The following C10orf90 variants were observed in gnomAD, a reference collection of about 807,000 sequenced individuals.
C10orf90 encodes the protein (E2-independent) E3 ubiquitin-conjugating enzyme FATS.
A neutral mutation model predicts 62.5 loss-of-function variants in C10orf90; 56 were observed. That is an observed-to-expected ratio of 0.90 (90% CI 0.72 to 1.12). The LOEUF (loss-of-function observed/expected upper bound fraction) is 1.12, where lower values mean the gene tolerates loss of function less well. Ranked by LOEUF, C10orf90 falls within the 50% of genes most tolerant of loss-of-function variation. C10orf90 has a pLI of 0.00. For missense variants in C10orf90, 970 were observed against 880.4 expected (o/e 1.10, Z -1.29); for synonymous variants, 386 against 340.4 (o/e 1.13, Z -1.47).
At chr10:126,578,277 C>A (rs369255924) in intron 2 of C10orf90, among the ~76,000 whole-genome samples, 6 of 151,596 alleles carry the variant, frequency 4.0e-5, no homozygotes, top group Admixed American at 3.9e-4. Flanking sequence ...AAAGAACTCT[C>A]GCGAATTAGT....
intron 4 of C10orf90, among the ~76,000 whole-genome samples, chr10:126,483,664 C>T (rs1861276839): frequency 1.3e-5 from 2 of 152,358 alleles, no homozygotes; most frequent in South Asian, 4.1e-4. Context: ...CAGAATAAGA[C>T]TTCAGCATTA....
intron 2 of C10orf90, among the ~76,000 whole-genome samples, chr10:126,573,613 A>T (rs966253088): frequency 6.6e-6 from 1 of 152,094 alleles, no homozygotes; most frequent in African/African-American, 2.4e-5. Context: ...GGCCTTCCAC[A>T]GCCCCCACAC....
At chr10:126,608,096 A>G (rs967830733) in intron 2 of C10orf90, among the ~76,000 whole-genome samples, 2 of 152,088 alleles carry the variant, frequency 1.3e-5, no homozygotes, top group African/African-American at 2.4e-5. Context: ...TTATGAACTT[A>G]TTTATGTATT....
intron 3 of C10orf90, among the ~76,000 whole-genome samples, chr10:126,509,230 G>A (rs564174955): frequency 1.3e-5 from 2 of 152,312 alleles, no homozygotes; most frequent in Non-Finnish European, 2.9e-5. Context: ...AATCACTCAG[G>A]ATGTCAAGGT....
intron 1 of C10orf90, among the ~76,000 whole-genome samples, chr10:126,664,385 G>T (rs1846582682): frequency 6.6e-6 from 1 of 152,110 alleles, no homozygotes; most frequent in South Asian, 2.1e-4. Context: ...CTCCATGCTA[G>T]CCCCAAGACT....
At position 126,458,857 on chromosome 10, in the gene C10orf90, C is replaced by G. The variant is rs187190065; in HGVS notation, c.2188+183G>C. Among the ~76,000 whole-genome samples, 66 of 152,272 alleles carry G rather than the reference C, an allele frequency of 4.3e-4. No homozygotes were observed. The East Asian group carries it at 0.011, about 26-fold the overall frequency. The stretch of plus-strand genomic sequence containing the variant: ...TGAGCTCAATGCCCATATGTGATCT[C>G]TCAAAATGGGCTGGCTCCAAGAACA... On this transcript the variant is annotated intron_variant, in intron 7 of 9. Transcript: ENST00000488181.
intron 3 of C10orf90, among the ~76,000 whole-genome samples, chr10:126,512,412 C>CTGTGTGTCTGTGTG (rs1564847215): frequency 4.7e-5 from 4 of 84,990 alleles, no homozygotes; most frequent in African/African-American, 2.7e-4. Flanking sequence ...GTCTGTGTGT[C>CTGTGTGTCTGTGTG]TGTGTGTGTG....
chr10:126,533,176 C>T (rs1412694942), intron 2 of C10orf90, among the ~76,000 whole-genome samples: 2 of 151,950 alleles, frequency 1.3e-5, no homozygotes, highest in Non-Finnish European at 2.9e-5. Flanking sequence ...CCTCGTGATC[C>T]GCCTGCCTCG....
chr10:126,622,370 C>T (rs181008788), intron 2 of C10orf90, among the ~76,000 whole-genome samples: 75 of 152,270 alleles, frequency 4.9e-4, no homozygotes, highest in African/African-American at 1.7e-3. Flanking sequence ...GTTCTCTCTC[C>T]CCTGTGACCC....
Position 126,504,671 on chromosome 10 carries a change from G to A in C10orf90, c.820C>T (p.Pro274Ser), listed in dbSNP as rs1406635659. 2 of 1,614,006 alleles carry A rather than the reference G, an allele frequency of 1.2e-6. No homozygotes were observed. The highest frequency in any genetic ancestry group is 1.1e-5 in the South Asian group (1 of 91,084). The change falls in exon 4 of 10, where the codon CCC becomes TCC. Residue 274 changes from proline (P) to serine (S), a missense_variant. Physicochemically the swap from Pro to Ser is moderately conservative, Grantham distance 74. Transcript: ENST00000488181. The surrounding 1 kb of genome is among the most constrained non-coding windows in gnomAD (Gnocchi z 4.1). ...TGGGCGCCATTGGCCAGAGCCGGGG[G>A]CGCCTGGAACAGTGTGTCCTCAGCC... ...CRAEDTLFQA[P>S]PALANGAHPG...
intron 2 of C10orf90, among the ~76,000 whole-genome samples, chr10:126,579,759 GA>G (rs562317648): frequency 0.064 from 9,040 of 141,956 alleles, 425 homozygotes; most frequent in African/African-American, 0.14. Flanking sequence ...GTAAAGTAAT[GA>G]AAAAAAAAAA....
rs1860199488 is a variant in C10orf90, at chr10:126,464,959, C to T, written c.1562G>A (p.Ser521Asn). The T allele has an allele frequency of 6.3e-7, 1 of 1,595,070 alleles. No individual in the cohort carries two copies. The highest frequency in any genetic ancestry group is 8.6e-7 in the Non-Finnish European group (1 of 1,164,558). Residue 521 changes from serine to asparagine, a missense_variant, in exon 5 of 10, where the codon AGC becomes AAC. By Grantham distance (46) the Ser-to-Asn change is conservative (BLOSUM62 1). Transcript: ENST00000488181. ...AVHTKVFSGSSKRQQGEVCMT... is the reference protein window; with the variant it reads ...AVHTKVFSGSNKRQQGEVCMT... ...ACATACTTCTCCTTGTTGCCTCTTGCTGCTTCCAGAAAATACTTTTGTGTG... is the reference window on the plus strand; with the variant it reads ...ACATACTTCTCCTTGTTGCCTCTTGTTGCTTCCAGAAAATACTTTTGTGTG...
intron 2 of C10orf90, among the ~76,000 whole-genome samples, chr10:126,633,208 C>T (rs753688188): frequency 6.6e-6 from 1 of 152,184 alleles, no homozygotes; most frequent in Non-Finnish European, 1.5e-5. Context: ...CCATCAACTG[C>T]CCAAAGACCT....
chr10:126,431,188 G>T (rs1304128150), intron 7 of C10orf90, among the ~76,000 whole-genome samples: 1 of 152,240 alleles, frequency 6.6e-6, no homozygotes, highest in Non-Finnish European at 1.5e-5. Context: ...GAAGTACAGT[G>T]TTAGCACTTA....
chr10:126,610,682 A>G (rs1183924148), intron 2 of C10orf90, among the ~76,000 whole-genome samples: 3 of 152,242 alleles, frequency 2.0e-5, no homozygotes, highest in South Asian at 2.1e-4. Context: ...CATTCTCTCC[A>G]CATATTAAAT....
At chr10:126,478,945 T>G (rs1163539007) in intron 4 of C10orf90, among the ~76,000 whole-genome samples, 1 of 152,154 alleles carries the variant, frequency 6.6e-6, no homozygotes, top group Non-Finnish European at 1.5e-5. Context: ...TGCCCCTCTG[T>G]GCCCTTCCCT....
intron 5 of C10orf90, among the ~76,000 whole-genome samples, chr10:126,462,666 C>T (rs568908267): frequency 1.3e-5 from 2 of 152,242 alleles, no homozygotes; most frequent in South Asian, 4.1e-4. Flanking sequence ...CCAAAAGGAG[C>T]TCATTCTCTG....
intron 4 of C10orf90, among the ~76,000 whole-genome samples, chr10:126,465,945 G>A (rs1395219285): frequency 1.3e-5 from 2 of 152,146 alleles, no homozygotes; most frequent in Non-Finnish European, 2.9e-5. Context: ...GAGAAGATGT[G>A]GGAGACTGTT....
chr10:126,569,909 T>C (rs1029568616), intron 2 of C10orf90, among the ~76,000 whole-genome samples: 3 of 149,340 alleles, frequency 2.0e-5, no homozygotes, highest in African/African-American at 7.3e-5. Context: ...CTTTCAAGCT[T>C]AAAAAAGAAA....
Sources: allele counts gnomAD v4.1 joint callset (sites outside exome capture counted in the v4.1 genomes callset), GRCh38; gene constraint gnomAD v4.1.1; non-coding constraint Gnocchi (gnomAD v3.1); transcripts MANE v1.5; gene names NCBI Gene and HGNC (gene_info 2026-07-23, HGNC 2026-07-21).